The following CDRT4 variants were observed in gnomAD, a reference collection of about 807,000 sequenced individuals.
The protein encoded by CDRT4 is CMT1A duplicated region transcript 4 protein.
For synonymous variants in CDRT4, 64 were observed against 69.6 expected (o/e 0.92, Z 0.40); for missense variants, 167 against 193.1 (o/e 0.87, Z 0.80).
intron 2 of CDRT4, among the ~76,000 whole-genome samples, chr17:15,441,752 C>A (rs757206149): frequency 1.3e-5 from 2 of 152,150 alleles, no homozygotes; most frequent in Non-Finnish European, 2.9e-5. Flanking sequence ...CAAAAAAATG[C>A]TCTTTTTGTC....
At chr17:15,454,548 G>A (rs536282078) in intron 1 of CDRT4, among the ~76,000 whole-genome samples, 1 of 152,280 alleles carries the variant, frequency 6.6e-6, no homozygotes, top group East Asian at 1.9e-4. Context: ...CACCAGCCAT[G>A]TCCGCTCTCC....
chr17:15,463,485 A>C (rs1178471175), intron 1 of CDRT4, among the ~76,000 whole-genome samples: 1 of 152,202 alleles, frequency 6.6e-6, no homozygotes, highest in Admixed American at 6.5e-5. Context: ...GAAATAAACA[A>C]TGAAAACTGA....
Position 15,437,760 on chromosome 17 carries a change from T to A in CDRT4, c.*13A>T, listed in dbSNP as rs1978556750. On this transcript the variant is annotated 3_prime_UTR_variant, in exon 4 of 4. Transcript: ENST00000619038. ...ACCCCTGGCTAAAACATTTGCATGT[T>A]TCTCCTTGTTGGTCAGTAGCGAACT... The A allele has an allele frequency of 1.2e-6, 2 of 1,608,556 alleles. No individual in the cohort carries two copies. Among genetic ancestry groups the A allele is most frequent in the Non-Finnish European group, 1.7e-6 (2 of 1,175,524 alleles).
intron 2 of CDRT4, among the ~76,000 whole-genome samples, chr17:15,449,026 T>C (rs1350430007): frequency 1.3e-5 from 2 of 152,210 alleles, no homozygotes; most frequent in Admixed American, 6.5e-5. Flanking sequence ...ATAACGATGC[T>C]ACATCCAAAA....
intron 1 of CDRT4, among the ~76,000 whole-genome samples, chr17:15,462,055 G>T (rs76264285): frequency 6.6e-6 from 1 of 152,130 alleles, no homozygotes; most frequent in Non-Finnish European, 1.5e-5. Flanking sequence ...ATAAAAGCCA[G>T]GTGAGCACAG....
chr17:15,444,260 A>G (rs1044802526), intron 2 of CDRT4: 4 of 577,160 alleles, frequency 6.9e-6, no homozygotes, highest in Non-Finnish European at 9.1e-6. Flanking sequence ...GTGATATTTA[A>G]AAGATGCAAT....
Position 15,464,817 on chromosome 17 carries a change from A to G in CDRT4, c.-130+2643T>C, listed in dbSNP as rs535710249. The stretch of plus-strand genomic sequence containing the variant: ...CAGCGGTTGCTCTTTCACTCACTCC[A>G]GCCTGGCATCCACACTCGCAGCTCT... On this transcript the variant is annotated intron_variant, in intron 1 of 3. Coordinates refer to ENST00000619038, the MANE Select transcript of CDRT4 (RefSeq NM_001204477.2). The surrounding 1 kb of genome is among the most constrained non-coding windows in gnomAD (Gnocchi z 4.5). 1.6e-4 allele frequency among the ~76,000 whole-genome samples: 25 copies of G among 152,272 alleles called. No individual in the cohort carries two copies. The South Asian group carries it at 3.3e-3, about 20-fold the overall frequency.
intron 1 of CDRT4, among the ~76,000 whole-genome samples, chr17:15,463,382 G>A (rs1379675103): frequency 6.6e-6 from 1 of 152,140 alleles, no homozygotes; most frequent in East Asian, 1.9e-4. Flanking sequence ...GTCTCTCTAA[G>A]GCCAAAAGTA....
chr17:15,445,984 T>A (rs1979006052), intron 2 of CDRT4, among the ~76,000 whole-genome samples: 1 of 152,158 alleles, frequency 6.6e-6, no homozygotes, highest in Non-Finnish European at 1.5e-5. Flanking sequence ...TTTTTTCTTT[T>A]TTTCCTTCCC....
chr17:15,441,066 T>C (rs1413684777), intron 2 of CDRT4, among the ~76,000 whole-genome samples: 3 of 152,208 alleles, frequency 2.0e-5, no homozygotes, highest in African/African-American at 7.2e-5. Flanking sequence ...CTAAGACACA[T>C]GCGTATGCCT....
intron 1 of CDRT4, among the ~76,000 whole-genome samples, chr17:15,457,656 C>T (rs1019418067): frequency 6.6e-6 from 1 of 152,224 alleles, no homozygotes; most frequent in Non-Finnish European, 1.5e-5. Flanking sequence ...AAAGTAAACA[C>T]TGGAATCCCT....
intron 1 of CDRT4, among the ~76,000 whole-genome samples, chr17:15,458,358 A>G (rs1486899893): frequency 6.6e-6 from 1 of 152,134 alleles, no homozygotes; most frequent in African/African-American, 2.4e-5. Context: ...AATTCCATTC[A>G]TGAAGATGCA....
chr17:15,438,313 C>T, intron 3 of CDRT4, 113 bp from the exon 4 acceptor site: 1 of 938,048 alleles, frequency 1.1e-6, no homozygotes, highest in Non-Finnish European at 1.6e-6. Flanking sequence ...CTATTTTGCA[C>T]CCCTTGTATT....
intron 3 of CDRT4, among the ~76,000 whole-genome samples, chr17:15,438,988 G>A (rs2906988): frequency 0.078 from 11,825 of 152,166 alleles, 981 homozygotes; most frequent in East Asian, 0.43. Context: ...GGTGTTTGCC[G>A]AGGGGGGTGG....
At chr17:15,463,181 G>A (rs921840902) in intron 1 of CDRT4, among the ~76,000 whole-genome samples, 10 of 152,182 alleles carry the variant, frequency 6.6e-5, no homozygotes, top group Admixed American at 4.6e-4. Context: ...AAGATCAGGC[G>A]TGTTGGGAAA....
At chr17:15,445,663 G>A (rs774574572) in intron 2 of CDRT4, among the ~76,000 whole-genome samples, 18 of 152,156 alleles carry the variant, frequency 1.2e-4, no homozygotes, top group Admixed American at 3.3e-4. Flanking sequence ...GTATAACAGG[G>A]TCTTCAATGA....
At chr17:15,458,693 T>C (rs1334687251) in intron 1 of CDRT4, among the ~76,000 whole-genome samples, 1 of 152,156 alleles carries the variant, frequency 6.6e-6, no homozygotes, top group Non-Finnish European at 1.5e-5. Context: ...GAAGGCTTAT[T>C]AATCCACTCA....
chr17:15,467,388 G>C (rs1382105518), intron 1 of CDRT4, 72 bp downstream of exon 1: 1 of 152,192 alleles, frequency 6.6e-6, no homozygotes, highest in Non-Finnish European at 1.5e-5. Flanking sequence ...TGGAAGTTGA[G>C]TGTGAGCCTT....
intron 1 of CDRT4, among the ~76,000 whole-genome samples, chr17:15,466,502 T>G (rs1487549104): frequency 6.6e-6 from 1 of 152,228 alleles, no homozygotes; most frequent in Non-Finnish European, 1.5e-5. Context: ...ACTGGTGTCT[T>G]TTATTCCTTG....
Sources: gnomAD v4.1 joint callset for allele counts (sites outside exome capture counted in the v4.1 genomes callset) on GRCh38, gnomAD v4.1.1 for gene constraint, Gnocchi (gnomAD v3.1) non-coding constraint, MANE v1.5 for transcripts, NCBI Gene and HGNC (gene_info 2026-07-23, HGNC 2026-07-21) for gene names.